STARD10: variants seen among roughly 807,000 people sequenced by gnomAD.
STARD10 encodes START domain-containing protein 10.
A neutral mutation model predicts 36.0 loss-of-function variants in STARD10; 24 were observed. The ratio of observed to expected loss-of-function variants is 0.67; its 90% CI spans 0.48 to 0.94. The LOEUF (loss-of-function observed/expected upper bound fraction) is 0.94. STARD10 is among the 40% of genes least tolerant of loss of function. The pLI is 0.00. For missense variants in STARD10, 335 were observed against 396.6 expected, an observed-to-expected ratio of 0.84 and a Z score of 1.32; for synonymous variants, 156 against 161.9, an observed-to-expected ratio of 0.96 and a Z score of 0.28.
intron 2 of STARD10, among the ~76,000 whole-genome samples, chr11:72,762,081 A>G (rs188226711): frequency 4.0e-5 from 6 of 151,330 alleles, no homozygotes; most frequent in African/African-American, 1.5e-4. Flanking sequence ...ACCCACCATC[A>G]TGCCTGGCTA....
At position 72,755,332 on chromosome 11, in the gene STARD10, A is replaced by G. The variant is rs184636163; in HGVS notation, c.631-190T>C. The G allele has an allele frequency of 1.2e-3, 593 of 492,518 alleles. 3 individuals carry two copies. In the African/African-American group the frequency reaches 0.015, roughly 12 times the overall value. The allele number at this position is 492,518 out of a possible 1,614,324, so 30.5% of individuals were successfully genotyped here. On this transcript the variant is annotated intron_variant, in intron 6 of 6. Transcript: ENST00000334805. ...TTTTTTTTTTTTTTTTTTTTTTGAGACGGAATCTCACTGTGTGGCCCAGGC... is the reference window on the plus strand; with the variant it reads ...TTTTTTTTTTTTTTTTTTTTTTGAGGCGGAATCTCACTGTGTGGCCCAGGC...
At chr11:72,783,194 G>T (rs764687223) in intron 1 of STARD10, among the ~76,000 whole-genome samples, 2 of 152,150 alleles carry the variant, frequency 1.3e-5, no homozygotes, top group African/African-American at 2.4e-5. Context: ...TGTAAATTAG[G>T]CCACATTTTA....
intron 2 of STARD10, among the ~76,000 whole-genome samples, chr11:72,768,087 G>A (rs796601507): frequency 2.0e-4 from 31 of 152,204 alleles, no homozygotes; most frequent in African/African-American, 6.0e-4. Flanking sequence ...AGTGCACAGC[G>A]AGGGGGTGGG....
At chr11:72,764,375 G>A (rs1858758874) in intron 2 of STARD10, among the ~76,000 whole-genome samples, 1 of 152,270 alleles carries the variant, frequency 6.6e-6, no homozygotes, top group South Asian at 2.1e-4. Context: ...CAGTTGCTCA[G>A]CGTAAACTCT....
intron 1 of STARD10, among the ~76,000 whole-genome samples, chr11:72,783,149 G>A (rs886717897): frequency 6.6e-6 from 1 of 152,176 alleles, no homozygotes; most frequent in Non-Finnish European, 1.5e-5. Context: ...AAATAGAGGT[G>A]TTTCTTCCTG....
At chr11:72,779,087 G>A (rs972847214) in intron 2 of STARD10, among the ~76,000 whole-genome samples, 1 of 152,182 alleles carries the variant, frequency 6.6e-6, no homozygotes, top group African/African-American at 2.4e-5. Flanking sequence ...CCGCCCTATT[G>A]ACACAGAGGG....
At chr11:72,780,071 C>A in intron 2 of STARD10, 1 of 359,622 alleles carries the variant, frequency 2.8e-6, no homozygotes, top group Non-Finnish European at 5.8e-6. Context: ...TGCCAGAGCC[C>A]ATTGCAAGGG....
chr11:72,776,754 T>C (rs561144638), intron 2 of STARD10, among the ~76,000 whole-genome samples: 16 of 151,276 alleles, frequency 1.1e-4, no homozygotes, highest in Non-Finnish European at 1.9e-4. Context: ...CTAGTAAGAG[T>C]GGGAAGGGCC....
chr11:72,761,917 C>CTTTTTTTTTTTTT (rs1189000490), intron 2 of STARD10, among the ~76,000 whole-genome samples: 1 of 37,478 alleles, frequency 2.7e-5, no homozygotes, highest in Non-Finnish European at 4.8e-5. Flanking sequence ...CTTTTCTTTT[C>CTTTTTTTTTTTTT]TTTTTTTTTT....
intron 5 of STARD10, among the ~76,000 whole-genome samples, chr11:72,756,994 A>T (rs1282219405): frequency 6.6e-6 from 1 of 152,002 alleles, no homozygotes; most frequent in Non-Finnish European, 1.5e-5. Flanking sequence ...AAATACAAAA[A>T]GTTAGCTGGG....
At chr11:72,770,931 A>G (rs1858846676) in intron 2 of STARD10, among the ~76,000 whole-genome samples, 2 of 152,222 alleles carry the variant, frequency 1.3e-5, no homozygotes. Context: ...CAAAAGTGGG[A>G]AATGGAGCTG....
intron 1 of STARD10, among the ~76,000 whole-genome samples, chr11:72,784,362 C>T (rs562138930): frequency 1.3e-5 from 2 of 152,256 alleles, no homozygotes; most frequent in African/African-American, 4.8e-5. Flanking sequence ...CACCAGAAGC[C>T]GGTGACAGGC....
At chr11:72,766,766 T>C (rs1858797941) in intron 2 of STARD10, among the ~76,000 whole-genome samples, 4 of 152,124 alleles carry the variant, frequency 2.6e-5, no homozygotes, top group Non-Finnish European at 5.9e-5. Context: ...TCAGGTCCCC[T>C]CCATGGGGCC....
At chr11:72,784,194 C>T (rs973596357) in intron 1 of STARD10, among the ~76,000 whole-genome samples, 1 of 152,198 alleles carries the variant, frequency 6.6e-6, no homozygotes, top group African/African-American at 2.4e-5. Flanking sequence ...CACCCCTAAG[C>T]AGCCGAGAAG....
intron 2 of STARD10, among the ~76,000 whole-genome samples, chr11:72,764,669 C>G (rs995636690): frequency 6.6e-6 from 1 of 152,188 alleles, no homozygotes; most frequent in East Asian, 1.9e-4. Flanking sequence ...GGCCACGCCC[C>G]AAAGGTGTAA....
chr11:72,772,047 C>T (rs12285275), intron 2 of STARD10, among the ~76,000 whole-genome samples: 12,303 of 152,282 alleles, frequency 0.081, 592 homozygotes, highest in South Asian at 0.18. Context: ...CCCAACAGCC[C>T]CCAGAGCACC....
chr11:72,757,739 T>C, intron 5 of STARD10, 28 bp downstream of exon 5: 1 of 1,605,302 alleles, frequency 6.2e-7, no homozygotes, highest in East Asian at 2.2e-5. Context: ...AAGGATCCCA[T>C]GATAGGCTGC....
At chr11:72,787,738 G>C (rs1859092217) in intron 1 of STARD10, among the ~76,000 whole-genome samples, 1 of 152,242 alleles carries the variant, frequency 6.6e-6, no homozygotes, top group Non-Finnish European at 1.5e-5. Context: ...CAGGCTGGGT[G>C]GGGGTGGGGG....
At chr11:72,756,628 G>C (rs1252166406) in intron 5 of STARD10, among the ~76,000 whole-genome samples, 1 of 152,114 alleles carries the variant, frequency 6.6e-6, no homozygotes, top group Non-Finnish European at 1.5e-5. Flanking sequence ...CACAGAAGTG[G>C]GGATGGGTGA....
Sources: gnomAD v4.1 joint callset for allele counts (sites outside exome capture counted in the v4.1 genomes callset) on GRCh38, gnomAD v4.1.1 for gene constraint, MANE v1.5 for transcripts, NCBI Gene and HGNC (gene_info 2026-07-23, HGNC 2026-07-21) for gene names.